NT5DC1: variants seen among roughly 807,000 people sequenced by gnomAD.
The protein encoded by NT5DC1 is 5'-nucleotidase domain-containing protein 1.
Under a neutral mutation model 59.4 loss-of-function variants are expected in NT5DC1, and 42 were observed. The ratio of observed to expected loss-of-function variants is 0.71; its 90% CI spans 0.55 to 0.92. NT5DC1 has a LOEUF of 0.92. NT5DC1 is among the 40% of genes least tolerant of loss of function. The pLI is 0.00. For synonymous variants in NT5DC1, 172 were observed against 188.1 expected (o/e 0.91, Z 0.70); for missense variants, 501 against 537.1 (o/e 0.93, Z 0.66).
chr6:116,161,718 T>G (rs965632562), intron 6 of NT5DC1, among the ~76,000 whole-genome samples: 4 of 152,222 alleles, frequency 2.6e-5, no homozygotes, highest in African/African-American at 7.2e-5. Flanking sequence ...TAGGCTCTTA[T>G]GGGTTCCATA....
At chr6:116,112,604 G>A (rs937553300) in intron 4 of NT5DC1, among the ~76,000 whole-genome samples, 6 of 152,168 alleles carry the variant, frequency 3.9e-5, no homozygotes, top group Non-Finnish European at 8.8e-5. Context: ...TCTTCTAAAT[G>A]CTGGGATGCT....
chr6:116,203,188 A>G (rs1781381399), intron 6 of NT5DC1, among the ~76,000 whole-genome samples: 1 of 151,980 alleles, frequency 6.6e-6, no homozygotes, highest in African/African-American at 2.4e-5. Context: ...ATTGTATTAG[A>G]TTCTCATTTA....
intron 6 of NT5DC1, among the ~76,000 whole-genome samples, chr6:116,208,694 T>C (rs1781510003): frequency 6.6e-6 from 1 of 152,026 alleles, no homozygotes; most frequent in Admixed American, 6.6e-5. Context: ...GCCCTAGGCT[T>C]GTAGTGTCTT....
intron 4 of NT5DC1, among the ~76,000 whole-genome samples, chr6:116,112,947 AT>A (rs1214908573): frequency 6.6e-6 from 1 of 152,254 alleles, no homozygotes; most frequent in Non-Finnish European, 1.5e-5. Context: ...CTATCAGTAC[AT>A]TTAGGAAATT....
chr6:116,107,100 G>C (rs1427739568), intron 2 of NT5DC1, among the ~76,000 whole-genome samples: 1 of 151,522 alleles, frequency 6.6e-6, no homozygotes, highest in Non-Finnish European at 1.5e-5. Context: ...GACTAAGGTG[G>C]GAGGATTGCC....
chr6:116,101,159 C>T (rs1341792928), intron 1 of NT5DC1, 136 bp downstream of exon 1: 6 of 628,624 alleles, frequency 9.5e-6, no homozygotes, highest in Non-Finnish European at 1.3e-5. Context: ...AGCGCGGCCT[C>T]CAGCGGCGAG....
At chr6:116,127,419 T>C (rs990191985) in intron 6 of NT5DC1, among the ~76,000 whole-genome samples, 1 of 152,174 alleles carries the variant, frequency 6.6e-6, no homozygotes, top group Admixed American at 6.5e-5. Flanking sequence ...TGTATATATC[T>C]CTGTATAATA....
Position 116,238,507 on chromosome 6 carries a change from G to A in NT5DC1, c.1083+159G>A, listed in dbSNP as rs1020073537. 2.8e-5 allele frequency among the ~76,000 whole-genome samples: 4 copies of A among 140,666 alleles called. No individual in the cohort carries two copies. In the South Asian group the frequency reaches 7.0e-4, roughly 25 times the overall value. 92.3% of individuals were successfully genotyped at this position (140,666 alleles called of 152,430 possible). A position where few individuals can be genotyped will look rare whatever the true frequency, so the allele number is the denominator to read the frequency against. Reference sequence around the variant, plus strand: ...AAAGAGACTAATAATTTGAAACTTTGTATTAATTTTATTGACTTCATGTTC... The same window carrying A: ...AAAGAGACTAATAATTTGAAACTTTATATTAATTTTATTGACTTCATGTTC... On this transcript the variant is annotated intron_variant, in intron 10 of 11. Transcript: ENST00000319550.
intron 9 of NT5DC1, chr6:116,237,665 C>G (rs1782143518): frequency 8.6e-6 from 3 of 350,550 alleles, no homozygotes; most frequent in African/African-American, 2.1e-5. Context: ...ATGGAGTCCT[C>G]AGACTCCATT....
intron 6 of NT5DC1, among the ~76,000 whole-genome samples, chr6:116,200,583 G>A (rs1781328113): frequency 6.6e-6 from 1 of 151,930 alleles, no homozygotes; most frequent in South Asian, 2.1e-4. Flanking sequence ...CTAAATAAAG[G>A]TAAGACACTA....
chr6:116,224,102 T>C (rs556319043), intron 8 of NT5DC1, among the ~76,000 whole-genome samples: 59 of 152,346 alleles, frequency 3.9e-4, no homozygotes, highest in African/African-American at 1.4e-3. Context: ...TGGACTGATA[T>C]TTAATATACA....
intron 6 of NT5DC1, among the ~76,000 whole-genome samples, chr6:116,123,310 T>A (rs145292330): frequency 1.5e-3 from 236 of 152,316 alleles, no homozygotes; most frequent in African/African-American, 5.6e-3. Context: ...GGTCTCAACT[T>A]CTCAGTGCGA....
intron 6 of NT5DC1, among the ~76,000 whole-genome samples, chr6:116,211,490 G>A (rs1175268088): frequency 1.3e-5 from 2 of 152,062 alleles, no homozygotes; most frequent in Non-Finnish European, 2.9e-5. Flanking sequence ...AGGTTCAACA[G>A]TAAGAGTTGA....
rs73774216 is a variant in NT5DC1 at position 116,175,744 on chromosome 6, T to G, written c.530-45310T>G. On this transcript the variant is annotated intron_variant, in intron 6 of 11. Transcript: ENST00000319550. ...AATCTTCCTCATCTCAGATACTGTC[T>G]TTTAAAACTTTTAATATTTCCATAG... is the stretch of plus-strand genomic sequence containing the variant. Among the ~76,000 whole-genome samples, 344 of 152,330 alleles carry G rather than the reference T, an allele frequency of 2.3e-3. 2 individuals carry two copies. The highest frequency in any genetic ancestry group is 8.1e-3 in the African/African-American group (338 of 41,584).
intron 6 of NT5DC1, chr6:116,120,094 T>C: frequency 6.2e-7 from 1 of 1,614,034 alleles, no homozygotes; most frequent in Non-Finnish European, 8.5e-7. Flanking sequence ...CCACTAGGAA[T>C]CCTGAGAAAG....
intron 8 of NT5DC1, among the ~76,000 whole-genome samples, chr6:116,231,881 T>C (rs1272131299): frequency 1.3e-5 from 2 of 152,246 alleles, no homozygotes; most frequent in African/African-American, 4.8e-5. Context: ...TGCAGATTAT[T>C]CTAATAATAG....
At chr6:116,166,628 C>G (rs1780475978) in intron 6 of NT5DC1, among the ~76,000 whole-genome samples, 1 of 152,166 alleles carries the variant, frequency 6.6e-6, no homozygotes, top group Non-Finnish European at 1.5e-5. Flanking sequence ...TGCTGACATC[C>G]TTTTCTACAT....
At chr6:116,189,959 C>G (rs1582863643) in intron 6 of NT5DC1, among the ~76,000 whole-genome samples, 1 of 152,006 alleles carries the variant, frequency 6.6e-6, no homozygotes, top group East Asian at 1.9e-4. Context: ...GTTTGTTGTT[C>G]TTTTACTAGT....
intron 5 of NT5DC1, among the ~76,000 whole-genome samples, chr6:116,116,775 A>G (rs1778972887): frequency 6.6e-6 from 1 of 152,168 alleles, no homozygotes; most frequent in South Asian, 2.1e-4. Flanking sequence ...AGAAATCTTA[A>G]TAACACAAGA....
Sources: gnomAD v4.1 joint callset for allele counts (sites outside exome capture counted in the v4.1 genomes callset) on GRCh38, gnomAD v4.1.1 for gene constraint, MANE v1.5 for transcripts, NCBI Gene and HGNC (gene_info 2026-07-23, HGNC 2026-07-21) for gene names.